The following FOXP1 variants were observed in gnomAD, a reference collection of about 807,000 sequenced individuals.
The protein encoded by FOXP1 is forkhead box P1.
Under a neutral mutation model 98.2 loss-of-function variants are expected in FOXP1, and 15 were observed. That is an observed-to-expected ratio of 0.15 (90% confidence interval 0.10 to 0.24). The LOEUF is 0.24. Among genes scored for constraint, FOXP1 ranks in the 10% least tolerant of loss-of-function variants. The pLI is 1.00. For missense variants in FOXP1, 633 were observed against 848.5 expected (o/e 0.75, Z 3.15); for synonymous variants, 371 against 314.5 (o/e 1.18, Z -1.90).
intron 7 of FOXP1, among the ~76,000 whole-genome samples, chr3:71,091,607 C>G (rs1309381115): frequency 6.6e-6 from 1 of 152,122 alleles, no homozygotes; most frequent in Non-Finnish European, 1.5e-5. Context: ...CTATCTACTC[C>G]AAAGAGTTAC....
In FOXP1 at chr3:70,955,199, G is replaced by A. The variant is rs2031478413; in HGVS notation, c.*4048C>T. On this transcript the variant is annotated 3_prime_UTR_variant, in exon 21 of 21. Coordinates refer to ENST00000649528, the MANE Select transcript of FOXP1 (RefSeq NM_001349338.3). ...TTCAGCTGGAATATGGAAAAGAGAG[G>A]AAATATTTTTTAACTCTATTTTTTT... The A allele has an allele frequency of 4.3e-6, 1 of 232,330 alleles. No homozygotes were observed. Among genetic ancestry groups the A allele is most frequent in the African/African-American group, 2.2e-5 (1 of 45,256 alleles). 14.4% of individuals were successfully genotyped at this position (232,330 alleles called of 1,614,324 possible). A position where few individuals can be genotyped will look rare whatever the true frequency, so the allele number is the denominator to read the frequency against.
intron 5 of FOXP1, among the ~76,000 whole-genome samples, chr3:71,229,721 G>A (rs1358263015): frequency 6.6e-6 from 1 of 152,050 alleles, no homozygotes; most frequent in Admixed American, 6.6e-5. Flanking sequence ...CAAGAATGGA[G>A]CTTTGAAATT....
chr3:71,027,712 T>C (rs892484417), intron 11 of FOXP1, among the ~76,000 whole-genome samples: 2 of 152,202 alleles, frequency 1.3e-5, no homozygotes, highest in African/African-American at 4.8e-5. Flanking sequence ...TGTATACACA[T>C]ATTAATATTA....
intron 3 of FOXP1, among the ~76,000 whole-genome samples, chr3:71,476,558 T>G (rs758249741): frequency 1.3e-5 from 2 of 152,158 alleles, no homozygotes; most frequent in Non-Finnish European, 1.5e-5. Context: ...TGGCGCGATC[T>G]CAGCTCACTG....
At chr3:71,426,749 C>T (rs1451907434) in intron 3 of FOXP1, among the ~76,000 whole-genome samples, 3 of 152,128 alleles carry the variant, frequency 2.0e-5, no homozygotes, top group Admixed American at 2.0e-4. Context: ...AATAGTTCCC[C>T]TTCTTGCACT....
chr3:71,307,995 G>A (rs779222434), intron 4 of FOXP1, among the ~76,000 whole-genome samples: 10 of 152,310 alleles, frequency 6.6e-5, no homozygotes, highest in Admixed American at 6.5e-5. Context: ...CTGAAAGAGC[G>A]CCGGATTCGG....
At chr3:71,551,198 A>G (rs561061258) in intron 2 of FOXP1, among the ~76,000 whole-genome samples, 1 of 152,286 alleles carries the variant, frequency 6.6e-6, no homozygotes, top group Admixed American at 6.5e-5. Flanking sequence ...TTTCCAAAGG[A>G]AACAATTCCT....
chr3:70,964,473 T>C (rs183407041), intron 20 of FOXP1, among the ~76,000 whole-genome samples: 58 of 152,356 alleles, frequency 3.8e-4, no homozygotes, highest in African/African-American at 1.3e-3. Context: ...AGAAATAGCA[T>C]CACTTCCATT....
chr3:71,491,323 G>A (rs866680922), intron 3 of FOXP1, among the ~76,000 whole-genome samples: 20 of 152,216 alleles, frequency 1.3e-4, no homozygotes, highest in African/African-American at 3.9e-4. Flanking sequence ...GCCAAGATAC[G>A]ACTTTTCTTA....
intron 3 of FOXP1, among the ~76,000 whole-genome samples, chr3:71,442,681 A>T (rs570748850): frequency 6.6e-6 from 1 of 151,974 alleles, no homozygotes; most frequent in Admixed American, 6.5e-5. Flanking sequence ...TGTTTTTTTG[A>T]CAACAATCAC....
chr3:71,098,390 G>A (rs916260856), intron 7 of FOXP1, among the ~76,000 whole-genome samples: 1 of 152,182 alleles, frequency 6.6e-6, no homozygotes, highest in African/African-American at 2.4e-5. Flanking sequence ...GGCAGGCACA[G>A]GGCATTAGGG....
chr3:71,136,823 A>AC (rs2059841300), intron 6 of FOXP1, among the ~76,000 whole-genome samples: 2 of 151,868 alleles, frequency 1.3e-5, no homozygotes, highest in African/African-American at 4.8e-5. Flanking sequence ...ATACAACAAA[A>AC]AAAAAAGATT....
intron 5 of FOXP1, among the ~76,000 whole-genome samples, chr3:71,238,251 A>G (rs889213312): frequency 6.6e-6 from 1 of 152,234 alleles, no homozygotes; most frequent in Non-Finnish European, 1.5e-5. Context: ...TTCTACCTGC[A>G]TAAGCAAGTT....
chr3:71,259,364 TGAA>T (rs1240271404), intron 5 of FOXP1, among the ~76,000 whole-genome samples: 1 of 152,196 alleles, frequency 6.6e-6, no homozygotes, highest in African/African-American at 2.4e-5. Flanking sequence ...AAGGTTATCA[TGAA>T]GATGAAAAGA....
chr3:71,035,688 C>T (rs1156743953), intron 11 of FOXP1, among the ~76,000 whole-genome samples: 1 of 152,014 alleles, frequency 6.6e-6, no homozygotes, highest in Non-Finnish European at 1.5e-5. Flanking sequence ...CCAAAATGCT[C>T]TAACGGGGAA....
chr3:70,989,814 C>T (rs927770525), intron 13 of FOXP1, among the ~76,000 whole-genome samples: 3 of 152,004 alleles, frequency 2.0e-5, no homozygotes, highest in Middle Eastern at 3.2e-3. Context: ...TGGGGGTAAA[C>T]GTTGTTGATG....
intron 5 of FOXP1, among the ~76,000 whole-genome samples, chr3:71,246,928 T>C (rs2067795102): frequency 6.6e-6 from 1 of 152,218 alleles, no homozygotes; most frequent in Non-Finnish European, 1.5e-5. Flanking sequence ...TCTTATAAAA[T>C]ACATTAACAC....
chr3:71,505,286 AGTCACCCCTG>A (rs1384660023), intron 2 of FOXP1, among the ~76,000 whole-genome samples: 1 of 152,156 alleles, frequency 6.6e-6, no homozygotes, highest in African/African-American at 2.4e-5. Context: ...CAAGGACCCA[AGTCACCCCTG>A]GTAGTGCAGC....
chr3:71,306,680 T>C (rs1460052796), intron 4 of FOXP1, among the ~76,000 whole-genome samples: 1 of 146,300 alleles, frequency 6.8e-6, no homozygotes, highest in Non-Finnish European at 1.5e-5. Flanking sequence ...TATTCTCTAG[T>C]TCACTAATCA....
Sources: gnomAD v4.1 joint callset for allele counts (sites outside exome capture counted in the v4.1 genomes callset) on GRCh38, gnomAD v4.1.1 for gene constraint, MANE v1.5 for transcripts, NCBI Gene and HGNC (gene_info 2026-07-23, HGNC 2026-07-21) for gene names.